Variants in CDH10 observed in about 807,000 individuals in gnomAD.
The protein encoded by CDH10 is cadherin 10, also known as cadherin-10.
A neutral mutation model predicts 73.1 loss-of-function variants in CDH10; 30 were observed. That is an observed-to-expected ratio of 0.41 (90% confidence interval 0.31 to 0.56). The LOEUF (loss-of-function observed/expected upper bound fraction) is 0.56. Among genes scored for constraint, CDH10 ranks in the 20% least tolerant of loss-of-function variants. The pLI is 0.27. For synonymous variants in CDH10, 345 were observed against 348.2 expected, an observed-to-expected ratio of 0.99 and a Z score of 0.10; for missense variants, 815 against 973.7, an observed-to-expected ratio of 0.84 and a Z score of 2.17.
Position 24,584,445 on chromosome 5 carries a change from C to CTTTTTT in CDH10, c.231+8809_231+8814dup, listed in dbSNP as rs34192671. ...GTTCACGTTCACATCCTTTCTTTTC[C>CTTTTTT]TTTTTTTTTTTTTTTTTTTTGTGTG... is the stretch of plus-strand genomic sequence containing the variant. On this transcript the variant is annotated intron_variant, in intron 2 of 11. Transcript: ENST00000264463. 2.3e-3 allele frequency among the ~76,000 whole-genome samples: 64 copies of CTTTTTT among 28,080 alleles called. 4 individuals are homozygous for CTTTTTT. Among genetic ancestry groups the CTTTTTT allele is most frequent in the African/African-American group, 3.5e-3 (39 of 11,276 alleles). 18.4% of individuals were successfully genotyped at this position (28,080 alleles called of 152,430 possible).
chr5:24,491,737 T>A lies in CDH10; in HGVS notation c.1715A>T (p.Asp572Val). The A allele has an allele frequency of 6.2e-7, 1 of 1,613,584 alleles. No individual in the cohort carries two copies. The highest frequency in any genetic ancestry group is 1.1e-5 in the South Asian group (1 of 91,072). Residue 572 changes from aspartate to valine, a missense_variant, in exon 11 of 12, where the codon GAT becomes GTT. Asp to Val is a radical substitution (Grantham distance 152). Transcript: ENST00000264463. ...GCCTGTGCTGCTCTGAATTGGGTAA[T>A]CATTGTCTGATATCACCACAGGCAA... Reference protein sequence around the residue: ...YLLPVVISDNDYPIQSSTGTL... With the variant: ...YLLPVVISDNVYPIQSSTGTL...
At chr5:24,515,165 A>G (rs1743061976) in intron 5 of CDH10, among the ~76,000 whole-genome samples, 2 of 152,310 alleles carry the variant, frequency 1.3e-5, no homozygotes, top group South Asian at 2.1e-4. Context: ...ACCAACACTT[A>G]TGTGCTAATA....
chr5:24,617,084 A>G (rs1747155090), intron 1 of CDH10, among the ~76,000 whole-genome samples: 2 of 152,170 alleles, frequency 1.3e-5, no homozygotes, highest in South Asian at 4.1e-4. Context: ...GCTGTATTCA[A>G]AATGAGTATA....
chr5:24,631,366 C>T (rs368687805), intron 1 of CDH10, among the ~76,000 whole-genome samples: 32 of 152,076 alleles, frequency 2.1e-4, no homozygotes, highest in African/African-American at 6.0e-4. Flanking sequence ...TATTGCCTAA[C>T]GTGTTGCCTT....
intron 1 of CDH10, among the ~76,000 whole-genome samples, chr5:24,602,841 C>T (rs1300894573): frequency 6.6e-6 from 1 of 152,062 alleles, no homozygotes; most frequent in Non-Finnish European, 1.5e-5. Context: ...TTCTTACTCC[C>T]CTAACTCAGC....
chr5:24,507,733 T>A (rs940423433), intron 7 of CDH10, among the ~76,000 whole-genome samples: 4 of 151,866 alleles, frequency 2.6e-5, no homozygotes, highest in African/African-American at 7.3e-5. Flanking sequence ...AAATTAGGCC[T>A]GTGTATTGGT....
At chr5:24,573,275 T>C (rs1745464703) in intron 2 of CDH10, among the ~76,000 whole-genome samples, 1 of 151,290 alleles carries the variant, frequency 6.6e-6, no homozygotes, top group African/African-American at 2.4e-5. Context: ...ACATAGTAAA[T>C]GAAAGAGAAT....
At chr5:24,578,657 T>C (rs1340760510) in intron 2 of CDH10, 1 of 155,678 alleles carries the variant, frequency 6.4e-6, no homozygotes, top group African/African-American at 2.4e-5. Flanking sequence ...AATTCAAGTA[T>C]CTCTATAACC....
intron 2 of CDH10, among the ~76,000 whole-genome samples, chr5:24,570,738 T>G (rs1337562498): frequency 2.0e-5 from 3 of 152,154 alleles, no homozygotes; most frequent in African/African-American, 7.2e-5. Flanking sequence ...CTGTATGAAA[T>G]ATAAAGAAAA....
intron 9 of CDH10, among the ~76,000 whole-genome samples, chr5:24,493,701 A>C (rs986467015): frequency 3.3e-5 from 5 of 151,840 alleles, no homozygotes; most frequent in Non-Finnish European, 1.5e-5. Flanking sequence ...TTTATAATAC[A>C]ATTTGTATAT....
At chr5:24,572,263 C>G (rs1745412291) in intron 2 of CDH10, among the ~76,000 whole-genome samples, 1 of 152,092 alleles carries the variant, frequency 6.6e-6, no homozygotes, top group South Asian at 2.1e-4. Context: ...TTGAACCATG[C>G]CTTTCAACTT....
chr5:24,608,483 G>A (rs544884659), intron 1 of CDH10, among the ~76,000 whole-genome samples: 3 of 152,086 alleles, frequency 2.0e-5, no homozygotes, highest in South Asian at 4.2e-4. Flanking sequence ...AGTAGAGACG[G>A]GGTTTCACCA....
chr5:24,532,419 A>G (rs1421992782), intron 5 of CDH10, among the ~76,000 whole-genome samples: 1 of 152,086 alleles, frequency 6.6e-6, no homozygotes, highest in Non-Finnish European at 1.5e-5. Context: ...ACTGATGACA[A>G]TGAAAAATAG....
chr5:24,558,890 C>G (rs1288140137), intron 2 of CDH10, among the ~76,000 whole-genome samples: 1 of 151,792 alleles, frequency 6.6e-6, no homozygotes, highest in African/African-American at 2.4e-5. Context: ...TTCAAATATT[C>G]CATTTCAAGA....
At chr5:24,494,451 C>T (rs950606167) in intron 9 of CDH10, among the ~76,000 whole-genome samples, 7 of 151,822 alleles carry the variant, frequency 4.6e-5, no homozygotes, top group African/African-American at 1.7e-4. Context: ...CAGTAGACTA[C>T]TAGAAATCCT....
At chr5:24,545,814 C>CA (rs1184566171) in intron 2 of CDH10, among the ~76,000 whole-genome samples, 1 of 147,672 alleles carries the variant, frequency 6.8e-6, no homozygotes, top group Non-Finnish European at 1.5e-5. Context: ...ACTCTGTCTT[C>CA]AAAGAAAATA....
intron 11 of CDH10, among the ~76,000 whole-genome samples, chr5:24,488,868 C>G (rs187964187): frequency 1.4e-5 from 2 of 146,420 alleles, no homozygotes; most frequent in South Asian, 4.4e-4. Context: ...TGAACTAACT[C>G]CCCCCAAAAA....
intron 1 of CDH10, among the ~76,000 whole-genome samples, chr5:24,610,443 A>C (rs1010327764): frequency 6.6e-6 from 1 of 152,110 alleles, no homozygotes; most frequent in Admixed American, 6.6e-5. Context: ...TATTTGATTA[A>C]ATTTAGAGAG....
At position 24,488,041 on chromosome 5, in the gene CDH10, T is replaced by TCCA; in HGVS notation, c.1986_1988dup (p.Gly663dup). The TCCA allele has an allele frequency of 6.2e-7, 1 of 1,613,950 alleles. No homozygotes were observed. Among genetic ancestry groups the TCCA allele is most frequent in the Non-Finnish European group, 8.5e-7 (1 of 1,179,948 alleles). ...TATCAAAGGCCTGGGTGTCCTCCTCTCCACCACCCTCATCGTTATAGCTCA... is the reference window on the plus strand; with the variant it reads ...TATCAAAGGCCTGGGTGTCCTCCTCTCCACCACCACCCTCATCGTTATAGCTCA... On this transcript the variant is annotated inframe_insertion, in exon 12 of 12. Transcript: ENST00000264463.
Sources: allele counts gnomAD v4.1 joint callset (sites outside exome capture counted in the v4.1 genomes callset), GRCh38; gene constraint gnomAD v4.1.1; transcripts MANE v1.5; gene names NCBI Gene and HGNC (gene_info 2026-07-23, HGNC 2026-07-21).